DGKG: variants seen among roughly 807,000 people sequenced by gnomAD.
The protein encoded by DGKG is diacylglycerol kinase gamma, also known as DAG kinase gamma.
In DGKG, 78 loss-of-function variants were observed where a neutral mutation model predicts 105.3. The observed-to-expected ratio is 0.74, with a 90% CI of 0.62 to 0.89. The LOEUF is 0.89. Among genes scored for constraint, DGKG ranks in the 40% least tolerant of loss-of-function variants. The probability of loss-of-function intolerance (pLI) is 0.00; values close to 1 mark genes in which losing one functional copy is unlikely to be tolerated. For synonymous variants in DGKG, 346 were observed against 367.1 expected (o/e 0.94, Z 0.66); for missense variants, 958 against 1,020.1 (o/e 0.94, Z 0.83).
At chr3:186,253,612 G>C (rs907318752) in intron 17 of DGKG, among the ~76,000 whole-genome samples, 1 of 152,150 alleles carries the variant, frequency 6.6e-6, no homozygotes, top group Admixed American at 6.5e-5. Context: ...ATTGACAGAG[G>C]GAAAGTAGTC....
chr3:186,336,082 C>T (rs1381539510), intron 1 of DGKG, among the ~76,000 whole-genome samples: 1 of 152,154 alleles, frequency 6.6e-6, no homozygotes, highest in Non-Finnish European at 1.5e-5. Context: ...GTCATGTCCC[C>T]TTCTTGGGCA....
chr3:186,280,763 A>T lies in DGKG; in HGVS notation c.595-19T>A. On this transcript the variant is annotated intron_variant, in intron 7 of 24. Transcript: ENST00000265022. ...CCATCTCCTAGAAAATAGCAAAGGG[A>T]GAAAATATCAAAAGGAGACAACCAG... is the stretch of plus-strand genomic sequence containing the variant. The T allele has an allele frequency of 6.2e-7, 1 of 1,605,820 alleles. No homozygotes were observed. Among genetic ancestry groups the T allele is most frequent in the Non-Finnish European group, 8.5e-7 (1 of 1,172,542 alleles).
rs549370062 is a variant in DGKG, at chr3:186,338,484, G to A, written c.-248-17777C>T. 3.3e-5 allele frequency among the ~76,000 whole-genome samples: 5 copies of A among 152,064 alleles called. 1 individual carries two copies. The South Asian group carries it at 1.0e-3, about 32-fold the overall frequency. ...TTTGTGACTATTAGAACTAGTAAAC[G>A]TCATTTTAAAAACCTCTCAAAATTA... On this transcript the variant is annotated intron_variant, in intron 1 of 24. Transcript: ENST00000265022.
At chr3:186,197,871 T>C (rs1242943909) in intron 21 of DGKG, among the ~76,000 whole-genome samples, 2 of 152,220 alleles carry the variant, frequency 1.3e-5, no homozygotes, top group African/African-American at 4.8e-5. Context: ...AGCTTTCTCC[T>C]CTATGAGGCT....
chr3:186,201,446 G>A (rs1310376457), intron 21 of DGKG, among the ~76,000 whole-genome samples: 1 of 152,136 alleles, frequency 6.6e-6, no homozygotes, highest in Non-Finnish European at 1.5e-5. Flanking sequence ...CATGAGCTCT[G>A]CCCACTCACT....
Position 186,148,844 on chromosome 3 carries a change from A to G in DGKG, c.*1246T>C, listed in dbSNP as rs772244123. ...GATCACCACAGGGAGATGCGTCCTG[A>G]CAATGAAACGGTGGAGTGGGGGAGT... On this transcript the variant is annotated 3_prime_UTR_variant, in exon 25 of 25. Transcript: ENST00000265022. 29 of 984,830 alleles carry G rather than the reference A, an allele frequency of 2.9e-5. No homozygotes were observed. The highest frequency in any genetic ancestry group is 3.1e-5 in the Non-Finnish European group (26 of 829,766). The allele number at this position is 984,830 out of a possible 1,614,324, so 61.0% of individuals were successfully genotyped here.
chr3:186,321,274 C>T (rs1243448934), intron 1 of DGKG, among the ~76,000 whole-genome samples: 1 of 152,148 alleles, frequency 6.6e-6, no homozygotes, highest in Non-Finnish European at 1.5e-5. Flanking sequence ...TCCTTTGAGC[C>T]TCTCATACTG....
chr3:186,224,424 C>T (rs1018624511), intron 20 of DGKG, among the ~76,000 whole-genome samples: 1 of 152,134 alleles, frequency 6.6e-6, no homozygotes, highest in African/African-American at 2.4e-5. Context: ...GAGATACTAA[C>T]CAGGATTCCT....
intron 21 of DGKG, among the ~76,000 whole-genome samples, chr3:186,189,387 A>G (rs1166449398): frequency 6.6e-6 from 1 of 152,216 alleles, no homozygotes; most frequent in African/African-American, 2.4e-5. Context: ...ACAGCAAGAA[A>G]TATCAGCTCT....
At chr3:186,307,388 A>G (rs993907743) in intron 2 of DGKG, among the ~76,000 whole-genome samples, 1 of 152,216 alleles carries the variant, frequency 6.6e-6, no homozygotes, top group Non-Finnish European at 1.5e-5. Context: ...GACATCCCTG[A>G]ACATATTGTG....
chr3:186,333,316 A>G (rs1157474703), intron 1 of DGKG, among the ~76,000 whole-genome samples: 1 of 152,156 alleles, frequency 6.6e-6, no homozygotes, highest in Non-Finnish European at 1.5e-5. Context: ...GCTTTACATT[A>G]ATGTAAGGAA....
chr3:186,267,683 A>G lies in DGKG; in HGVS notation c.1209+2T>C. 1 of 1,606,286 alleles carries G rather than the reference A, an allele frequency of 6.2e-7. No homozygotes were observed. Among genetic ancestry groups the G allele is most frequent in the Non-Finnish European group, 8.5e-7 (1 of 1,173,040 alleles). ...AGCCCTCGCCGGGGCAGGAGCACTT[A>G]CCCGGGTGATGGGGCATATGGAGGT... On this transcript the variant is annotated splice_donor_variant, in intron 13 of 24. Transcript: ENST00000265022. LOFTEE classifies it high-confidence loss of function.
At chr3:186,283,546 T>G (rs1722924287) in intron 7 of DGKG, among the ~76,000 whole-genome samples, 5 of 152,214 alleles carry the variant, frequency 3.3e-5, no homozygotes, top group Admixed American at 1.3e-4. Context: ...CTTTCCTTTA[T>G]TTTTCTTCTC....
intron 17 of DGKG, among the ~76,000 whole-genome samples, chr3:186,254,881 A>G (rs7623321): frequency 0.27 from 41,159 of 152,048 alleles, 6,824 homozygotes; most frequent in African/African-American, 0.46. Context: ...CCCATAGCCT[A>G]CCACAGTAGG....
chr3:186,191,542 G>A (rs1419996004), intron 21 of DGKG, among the ~76,000 whole-genome samples: 1 of 152,180 alleles, frequency 6.6e-6, no homozygotes, highest in Non-Finnish European at 1.5e-5. Flanking sequence ...TTTACCTTGG[G>A]TTCTAGTATC....
Position 186,153,880 on chromosome 3 carries a change from A to G in DGKG, c.2278-3692T>C, listed in dbSNP as rs1025084408. The stretch of plus-strand genomic sequence containing the variant: ...AGCACTTTGAGAAGCCCAGAGGGGC[A>G]GATCGCATGAGCGCAGGAGTTCAAG... On this transcript the variant is annotated intron_variant, in intron 24 of 24. Transcript: ENST00000265022. 1.8e-4 allele frequency among the ~76,000 whole-genome samples: 28 copies of G among 151,970 alleles called. 1 individual carries two copies. Among genetic ancestry groups the G allele is most frequent in the Non-Finnish European group, 1.5e-5 (1 of 67,978 alleles).
chr3:186,225,233 T>A (rs890962617), intron 20 of DGKG, among the ~76,000 whole-genome samples: 3 of 152,076 alleles, frequency 2.0e-5, no homozygotes, highest in Non-Finnish European at 4.4e-5. Flanking sequence ...TCGCAAAGTG[T>A]AGGGATTACA....
intron 22 of DGKG, among the ~76,000 whole-genome samples, chr3:186,171,167 C>G (rs924175937): frequency 2.0e-5 from 3 of 152,228 alleles, no homozygotes; most frequent in Non-Finnish European, 4.4e-5. Context: ...ATATCACTCT[C>G]TCAACTCCAT....
At chr3:186,218,800 C>T (rs1234217185) in intron 20 of DGKG, among the ~76,000 whole-genome samples, 1 of 152,096 alleles carries the variant, frequency 6.6e-6, no homozygotes, top group Non-Finnish European at 1.5e-5. Flanking sequence ...CTGTAGCTAG[C>T]CAACAGGACA....
Sources: gnomAD v4.1 joint callset for allele counts (sites outside exome capture counted in the v4.1 genomes callset) on GRCh38, gnomAD v4.1.1 for gene constraint, MANE v1.5 for transcripts, NCBI Gene and HGNC (gene_info 2026-07-23, HGNC 2026-07-21) for gene names.